Variants in PUDP observed in about 807,000 individuals in gnomAD.
PUDP encodes the protein pseudouridine 5'-phosphatase.
In PUDP, 8 loss-of-function variants were observed where a neutral mutation model predicts 9.4. The observed-to-expected ratio is 0.85, with a 90% CI of 0.50 to 1.53. The LOEUF (loss-of-function observed/expected upper bound fraction) is 1.53, where lower values mean the gene tolerates loss of function less well. Among genes scored for constraint, PUDP ranks in the 40% most tolerant of loss-of-function variants. The probability of loss-of-function intolerance (pLI) is 0.00; values close to 1 mark genes in which losing one functional copy is unlikely to be tolerated. For missense variants in PUDP, 188 were observed against 189.7 expected (o/e 0.99, Z 0.05); for synonymous variants, 99 against 80.7 (o/e 1.23, Z -1.22).
intron 1 of PUDP, among the ~76,000 whole-genome samples, chrX:7,002,317 G>A (rs1378289014): frequency 8.9e-6 from 1 of 112,026 alleles, no homozygotes; most frequent in Non-Finnish European, 1.9e-5. Context: ...CAGCTACCAA[G>A]GTAAATGTGG....
Position 7,115,238 on chromosome X carries a change from T to C in PUDP, c.62-9400A>G, listed in dbSNP as rs139181273. ...AAAACACTGACAACTTAATGGAACA[T>C]ACCATATGCAAGGATTAGTTAATTG... On this transcript the variant is annotated intron_variant, in intron 1 of 3. Coordinates refer to ENST00000381077, the MANE Select transcript of PUDP (RefSeq NM_012080.5). Among the ~76,000 whole-genome samples the C allele has an allele frequency of 8.0e-5, 9 of 112,440 alleles. No homozygotes were observed. In the East Asian group the frequency reaches 2.5e-3, roughly 31 times the overall value.
At chrX:6,941,205 G>A (rs1226905611) in intron 3 of PUDP, among the ~76,000 whole-genome samples, 2 of 111,000 alleles carry the variant, frequency 1.8e-5, no homozygotes, top group Non-Finnish European at 3.8e-5. Flanking sequence ...GATTTTTATT[G>A]TAAGAGTTGA....
rs1931855659 is a variant in PUDP, at chrX:7,105,610, G to A, written c.280+10C>T. 1 of 1,178,505 alleles carries A rather than the reference G, an allele frequency of 8.5e-7. No homozygotes were observed. Among genetic ancestry groups the A allele is most frequent in the Non-Finnish European group, 1.1e-6 (1 of 874,537 alleles). ...CAAACATAACCCTGCAAACAGCGAG[G>A]CAACCGCACCTGGCATGAGCGCAGC... On this transcript the variant is annotated intron_variant, in intron 2 of 3. Transcript: ENST00000381077.
At position 7,080,027 on chromosome X, in the gene PUDP, A is replaced by G. The variant is rs935739524; in HGVS notation, c.281-2578T>C. 1.1e-4 allele frequency among the ~76,000 whole-genome samples: 12 copies of G among 112,058 alleles called. No homozygotes were observed. In the Admixed American group the frequency reaches 1.1e-3, roughly 11 times the overall value. ...AATAAAAGTAGAATACAGAAAACCA[A>G]CTAAATCAAAAGCGAGTTGTTTGAG... is the stretch of plus-strand genomic sequence containing the variant. On this transcript the variant is annotated intron_variant, in intron 2 of 3. Transcript: ENST00000381077.
rs1189009171 is a variant in PUDP, at chrX:7,050,381, C to G, written c.602G>C (p.Arg201Pro). 8.3e-7 allele frequency: 1 copy of G among 1,211,117 alleles called. No individual in the cohort carries two copies. Among genetic ancestry groups the G allele is most frequent in the African/African-American group, 1.7e-5 (1 of 57,775 alleles). Residue 201 changes from arginine to proline, a missense_variant, in exon 4 of 4, where the codon CGA becomes CCA. Transcript: ENST00000381077. ...VVMVPDGNLSRDLTTKATLVL... is the reference protein window; with the variant it reads ...VVMVPDGNLSPDLTTKATLVL... ...CAGGGTGGCCTTTGTTGTCAGATCT[C>G]GGCTCAAGTTTCCGTCAGGAACCAT... is the stretch of plus-strand genomic sequence containing the variant.
At chrX:6,892,097 A>G (rs968366948) in intron 3 of PUDP, among the ~76,000 whole-genome samples, 1 of 112,384 alleles carries the variant, frequency 8.9e-6, no homozygotes, top group Non-Finnish European at 1.9e-5. Context: ...ATACTCATTT[A>G]CATTTCATTT....
rs774054194 is a variant in PUDP at position 7,105,616 on chromosome X, G to A, written c.280+4C>T. 4 of 1,185,353 alleles carry A rather than the reference G, an allele frequency of 3.4e-6. No individual in the cohort carries two copies. Among genetic ancestry groups the A allele is most frequent in the Admixed American group, 4.6e-5 (2 of 43,081 alleles). ...TAACCCTGCAAACAGCGAGGCAACC[G>A]CACCTGGCATGAGCGCAGCCGTGGG... On this transcript the variant is annotated splice_donor_region_variant and intron_variant, in intron 2 of 3. Coordinates refer to ENST00000381077, the MANE Select transcript of PUDP (RefSeq NM_012080.5).
At chrX:6,937,176 C>G (rs1385258984) in intron 3 of PUDP, among the ~76,000 whole-genome samples, 19 of 74,584 alleles carry the variant, frequency 2.5e-4, no homozygotes, top group South Asian at 8.6e-4. Flanking sequence ...ATCGCCAAGT[C>G]AATCCTAAGC....
rs779578850 is a variant in PUDP at position 6,951,702 on chromosome X, C to T, written c.*247+25431G>A. On this transcript the variant is annotated intron_variant and NMD_transcript_variant, in intron 3 of 3. Coordinates refer to the PUDP transcript ENST00000655425. ...CCCATTTCTACAACTTGCTGCAAAC[C>T]GCTACTGTGCACAGTGCCTGGCTTA... is the stretch of plus-strand genomic sequence containing the variant. Among the ~76,000 whole-genome samples, 19 of 112,072 alleles carry T rather than the reference C, an allele frequency of 1.7e-4. 1 individual carries two copies. Among genetic ancestry groups the T allele is most frequent in the Non-Finnish European group, 2.8e-4 (15 of 53,265 alleles).
At chrX:7,003,299 T>A (rs1031544721) in intron 1 of PUDP, among the ~76,000 whole-genome samples, 3 of 110,866 alleles carry the variant, frequency 2.7e-5, no homozygotes, top group African/African-American at 9.9e-5. Context: ...ATTGGGGAGA[T>A]CATTTATGGT....
At chrX:6,824,251 T>G (rs1249111050) in intron 3 of PUDP, among the ~76,000 whole-genome samples, 1 of 111,644 alleles carries the variant, frequency 9.0e-6, no homozygotes, top group Non-Finnish European at 1.9e-5. Context: ...GCTGCCACTA[T>G]GTGAAGAAGG....
intron 3 of PUDP, among the ~76,000 whole-genome samples, chrX:6,741,411 T>G (rs1924934650): frequency 8.9e-6 from 1 of 111,827 alleles, no homozygotes; most frequent in Non-Finnish European, 1.9e-5. Context: ...TCTTTGTATG[T>G]GAATTTAATC....
rs951423958 is a variant in PUDP at position 6,968,034 on chromosome X, C to T, written c.*247+9099G>A. On this transcript the variant is annotated intron_variant and NMD_transcript_variant, in intron 3 of 3. Transcript: ENST00000655425. Reference sequence around the variant, plus strand: ...CCCTTTTTGTCCAACCCTGTTTCTACATGCTGTCCATGCTTTGTTGAACCT... The same window carrying T: ...CCCTTTTTGTCCAACCCTGTTTCTATATGCTGTCCATGCTTTGTTGAACCT... Among the ~76,000 whole-genome samples, 6 of 112,547 alleles carry T rather than the reference C, an allele frequency of 5.3e-5. No homozygotes were observed. In the South Asian group the frequency reaches 2.2e-3, roughly 41 times the overall value.
chrX:6,742,645 C>T (rs1924953810), intron 3 of PUDP, among the ~76,000 whole-genome samples: 1 of 111,718 alleles, frequency 9.0e-6, no homozygotes, highest in African/African-American at 3.3e-5. Context: ...TGGTGGAGCA[C>T]ACGCCTGTAG....
chrX:7,015,892 T>C (rs767202025), intron 1 of PUDP, among the ~76,000 whole-genome samples: 5 of 110,874 alleles, frequency 4.5e-5, no homozygotes, highest in Non-Finnish European at 7.5e-5. Flanking sequence ...AATTTCTGTA[T>C]GGCCAGTTTT....
intron 3 of PUDP, among the ~76,000 whole-genome samples, chrX:6,744,369 A>G (rs1207282814): frequency 8.9e-6 from 1 of 111,810 alleles, no homozygotes; most frequent in Non-Finnish European, 1.9e-5. Context: ...TAATTGAACA[A>G]TATATAACAG....
intron 3 of PUDP, among the ~76,000 whole-genome samples, chrX:6,929,897 C>T (rs1928162714): frequency 1.8e-5 from 2 of 111,618 alleles, no homozygotes; most frequent in Admixed American, 9.6e-5. Flanking sequence ...AATCCTCTTT[C>T]CTTTGATGTG....
Position 6,756,812 on chromosome X carries a change from T to C in PUDP, c.*248-50346A>G, listed in dbSNP as rs549985768. Among the ~76,000 whole-genome samples the C allele has an allele frequency of 4.5e-5, 5 of 112,025 alleles. No homozygotes were observed. In the South Asian group the frequency reaches 1.8e-3, roughly 41 times the overall value. On this transcript the variant is annotated intron_variant and NMD_transcript_variant, in intron 3 of 3. Transcript: ENST00000655425. ...ATCAGAGGGGAAAATTCAGAAGACATGGCAAGAAAGACTGAGAAAATAAAC... is the reference window on the plus strand; with the variant it reads ...ATCAGAGGGGAAAATTCAGAAGACACGGCAAGAAAGACTGAGAAAATAAAC...
At chrX:6,979,751 G>A (rs2146798852) in intron 1 of PUDP, among the ~76,000 whole-genome samples, 1 of 110,687 alleles carries the variant, frequency 9.0e-6, no homozygotes, top group African/African-American at 3.3e-5. Flanking sequence ...AAATAAATAT[G>A]TTTATTATAT....
Sources: gnomAD v4.1 joint callset for allele counts (sites outside exome capture counted in the v4.1 genomes callset) on GRCh38, gnomAD v4.1.1 for gene constraint, MANE v1.5 for transcripts, NCBI Gene and HGNC (gene_info 2026-07-23, HGNC 2026-07-21) for gene names.